Variants in AKR1C3 observed in about 807,000 individuals in gnomAD.
AKR1C3 encodes the protein aldo-keto reductase family 1 member C3.
In AKR1C3, 48 loss-of-function variants were observed where a neutral mutation model predicts 43.6. The observed-to-expected ratio is 1.10, with a 90% CI of 0.87 to 1.40. The LOEUF is 1.40. Ranked by LOEUF, AKR1C3 falls within the 40% of genes most tolerant of loss-of-function variation. The pLI is 0.00. For synonymous variants in AKR1C3, 162 were observed against 139.6 expected, an observed-to-expected ratio of 1.16 and a Z score of -1.13; for missense variants, 482 against 391.2, an observed-to-expected ratio of 1.23 and a Z score of -1.96.
intron 1 of AKR1C3, among the ~76,000 whole-genome samples, chr10:5,086,972 C>T (rs1335455047): frequency 2.0e-5 from 3 of 152,126 alleles, no homozygotes; most frequent in African/African-American, 7.2e-5. Context: ...ATGTGTGTCT[C>T]TGCATGTGAG....
intron 3 of AKR1C3, chr10:5,097,899 G>T (rs369590135): frequency 8.3e-6 from 9 of 1,087,638 alleles, no homozygotes; most frequent in Non-Finnish European, 1.0e-5. Flanking sequence ...CAATAAAACT[G>T]CTGCACATGT....
At chr10:5,063,568 G>T (rs537081671) in intron 1 of AKR1C3, among the ~76,000 whole-genome samples, 1 of 151,678 alleles carries the variant, frequency 6.6e-6, no homozygotes, top group Admixed American at 6.6e-5. Flanking sequence ...GGCTGAGGCA[G>T]GCAGATCACT....
rs1588362921 is a variant in AKR1C3 at position 5,106,040 on chromosome 10, C to G, written c.929+363C>G. 4.6e-5 allele frequency among the ~76,000 whole-genome samples: 7 copies of G among 152,302 alleles called. 1 individual carries two copies. Among genetic ancestry groups the G allele is most frequent in the Admixed American group, 4.6e-4 (7 of 15,296 alleles). ...AAATCTGTGCTTATATCACATTGTCCCAAACCTGCTCAGCTCCTTATCAAA... is the reference window on the plus strand; with the variant it reads ...AAATCTGTGCTTATATCACATTGTCGCAAACCTGCTCAGCTCCTTATCAAA... On this transcript the variant is annotated intron_variant, in intron 8 of 8. Transcript: ENST00000380554.
intron 1 of AKR1C3, among the ~76,000 whole-genome samples, chr10:5,063,933 G>A (rs1362280488): frequency 6.6e-6 from 1 of 152,026 alleles, no homozygotes; most frequent in Non-Finnish European, 1.5e-5. Context: ...TTCTCTCAAT[G>A]TCATTGCCTC....
chr10:5,055,082 TA>T (rs1554779418), intron 1 of AKR1C3, among the ~76,000 whole-genome samples: 1 of 152,240 alleles, frequency 6.6e-6, no homozygotes, highest in African/African-American at 2.4e-5. Flanking sequence ...TTCCCAGTTC[TA>T]GGGCTTGGGT....
At chr10:5,090,338 A>G (rs1483014971), upstream of AKR1C3, among the ~76,000 whole-genome samples, 1 of 152,060 alleles carries the variant, frequency 6.6e-6, no homozygotes, top group Non-Finnish European at 1.5e-5. Flanking sequence ...GGGTTAGGAA[A>G]CTGCACTGAT....
At chr10:5,065,190 G>A (rs1456102087) in intron 1 of AKR1C3, among the ~76,000 whole-genome samples, 2 of 151,986 alleles carry the variant, frequency 1.3e-5, no homozygotes, top group African/African-American at 4.9e-5. Context: ...GTAGAAAGCA[G>A]TGTGGTGATT....
At chr10:5,102,266 G>GGA in intron 6 of AKR1C3, 56 bp downstream of exon 6, 2 of 1,583,964 alleles carry the variant, frequency 1.3e-6, no homozygotes, top group Non-Finnish European at 1.7e-6. Context: ...AAATTTTTTA[G>GGA]TCAGAGCATC....
chr10:5,099,252 C>CA, intron 4 of AKR1C3, 75 bp from the exon 5 acceptor site: 1 of 1,596,528 alleles, frequency 6.3e-7, no homozygotes, highest in Non-Finnish European at 8.5e-7. Flanking sequence ...TTGTTGCTCT[C>CA]ACAGTTCTGT....
In AKR1C3 at chr10:5,098,841, G is replaced by C. The variant is rs1554785544; in HGVS notation, c.409G>C (p.Val137Leu). 6.2e-7 allele frequency: 1 copy of C among 1,613,788 alleles called. No homozygotes were observed. The highest frequency in any genetic ancestry group is 8.5e-7 in the Non-Finnish European group (1 of 1,179,956). Residue 137 changes from valine to leucine, a missense_variant, in exon 4 of 9, where the codon GTA becomes CTA. Val to Leu is a conservative substitution (Grantham distance 32, BLOSUM62 1). Transcript: ENST00000380554. The stretch of plus-strand genomic sequence containing the variant: ...TTCACCAACAGATGAAAATGGAAAA[G>C]TAATATTTGACATAGTGGATCTCTG... ...ELSPTDENGK[V>L]IFDIVDLCTT...
rs587696378 is a variant in AKR1C3, at chr10:5,106,920, A to T, written c.930-541A>T. ...TTTTAGTTTCAAGGAAAATAAATAA[A>T]AAAAGGAAACCATGTAAAAGAAAGG... On this transcript the variant is annotated intron_variant, in intron 8 of 8. Transcript: ENST00000380554. Among the ~76,000 whole-genome samples the T allele has an allele frequency of 2.0e-3, 252 of 124,010 alleles. 2 individuals are homozygous for T. Among genetic ancestry groups the T allele is most frequent in the African/African-American group, 6.3e-3 (210 of 33,320 alleles). 81.4% of individuals were successfully genotyped at this position (124,010 alleles called of 152,430 possible).
At chr10:5,050,322 A>G (rs117641917) in intron 1 of AKR1C3, among the ~76,000 whole-genome samples, 3 of 152,360 alleles carry the variant, frequency 2.0e-5, no homozygotes, top group African/African-American at 4.8e-5. Context: ...GGAGATCTCA[A>G]TTCTGAGAAT....
chr10:5,087,067 A>C (rs1554783229), intron 1 of AKR1C3, among the ~76,000 whole-genome samples: 1 of 152,094 alleles, frequency 6.6e-6, no homozygotes, highest in East Asian at 1.9e-4. Context: ...GACCATTTAC[A>C]TTTAAAGTTA....
At chr10:5,094,984 G>A (rs1554784927) in intron 1 of AKR1C3, among the ~76,000 whole-genome samples, 1 of 152,038 alleles carries the variant, frequency 6.6e-6, no homozygotes, top group African/African-American at 2.4e-5. Context: ...TGTTCTGATG[G>A]GCGGCAGTGA....
intron 1 of AKR1C3, among the ~76,000 whole-genome samples, chr10:5,085,041 C>G (rs1554782861): frequency 6.6e-6 from 1 of 152,194 alleles, no homozygotes; most frequent in African/African-American, 2.4e-5. Context: ...AATTTGACTT[C>G]TTCTTTTCCT....
chr10:5,105,754 C>A, intron 8 of AKR1C3, 77 bp downstream of exon 8: 1 of 1,147,364 alleles, frequency 8.7e-7, no homozygotes, highest in Non-Finnish European at 1.3e-6. Context: ...GAGTGACCTC[C>A]ATACCAGAGG....
intron 1 of AKR1C3, among the ~76,000 whole-genome samples, chr10:5,072,164 G>A (rs543328752): frequency 2.6e-5 from 4 of 152,276 alleles, no homozygotes; most frequent in East Asian, 1.9e-4. Context: ...AGCAATTTAA[G>A]TATTAGGGAT....
intron 1 of AKR1C3, among the ~76,000 whole-genome samples, chr10:5,081,335 G>A (rs879994096): frequency 2.0e-5 from 3 of 152,104 alleles, no homozygotes; most frequent in Non-Finnish European, 2.9e-5. Context: ...TATAAGGATG[G>A]TGTCACCTTC....
chr10:5,097,492 AG>A lies in AKR1C3; in HGVS notation c.312del (p.Ala106LeufsTer17), dbSNP rs782551582. ...CGACCAGCCTTGGAAAACTCACTGA[AG>A]AAAGCTCAATTGGACTATGTTGACC... ...LVRPALENSL[K>X]KAQLDYVDLY... is the part of the protein sequence containing the mutation. On this transcript the variant is annotated frameshift_variant, in exon 3 of 9. Coordinates refer to ENST00000380554, the MANE Select transcript of AKR1C3 (RefSeq NM_003739.6). LOFTEE classifies it high-confidence loss of function. 13 of 1,613,814 alleles carry A rather than the reference AG, an allele frequency of 8.1e-6. No individual in the cohort carries two copies. The African/African-American group carries it at 1.6e-4, about 20-fold the overall frequency.
Sources: allele counts gnomAD v4.1 joint callset (sites outside exome capture counted in the v4.1 genomes callset), GRCh38; gene constraint gnomAD v4.1.1; transcripts MANE v1.5; gene names NCBI Gene and HGNC (gene_info 2026-07-23, HGNC 2026-07-21).